Variants in SSBP3 observed in about 807,000 individuals in gnomAD.
SSBP3 encodes single-stranded DNA-binding protein 3.
SSBP3 carries 5 observed loss-of-function variants against 69.6 expected under a neutral mutation model. The ratio of observed to expected loss-of-function variants is 0.07; its 90% CI spans 0.04 to 0.15. SSBP3 has a LOEUF of 0.15. Among genes scored for constraint, SSBP3 ranks in the 10% least tolerant of loss-of-function variants. The probability of loss-of-function intolerance (pLI) is 1.00; values close to 1 mark genes in which losing one functional copy is unlikely to be tolerated. For synonymous variants in SSBP3, 196 were observed against 193.4 expected (o/e 1.01, Z -0.11); for missense variants, 312 against 534.0 (o/e 0.58, Z 4.10).
intron 5 of SSBP3, among the ~76,000 whole-genome samples, chr1:54,262,964 C>CACT: frequency 6.6e-6 from 1 of 152,178 alleles, no homozygotes; most frequent in Non-Finnish European, 1.5e-5. Flanking sequence ...CTCAGCTGGC[C>CACT]CCAAGATCTC....
In SSBP3 at chr1:54,403,164, G is replaced by A. The variant is rs138692608; in HGVS notation, c.192-1219C>T. ...CAGCCACTCAAAGCCACCACCGCCC[G>A]GGCCTAACACAACAGACTCTACGTT... is the stretch of plus-strand genomic sequence containing the variant. On this transcript the variant is annotated intron_variant, in intron 3 of 17. Transcript: ENST00000610401. Among the ~76,000 whole-genome samples the A allele has an allele frequency of 5.4e-3, 823 of 152,278 alleles. 3 individuals carry two copies. Among genetic ancestry groups the A allele is most frequent in the Non-Finnish European group, 7.0e-3 (477 of 68,020 alleles).
At chr1:54,395,463 A>C (rs891981766) in intron 4 of SSBP3, among the ~76,000 whole-genome samples, 2 of 152,212 alleles carry the variant, frequency 1.3e-5, no homozygotes, top group Non-Finnish European at 2.9e-5. Context: ...TGCCCAATAC[A>C]GATAAGGTGC....
intron 4 of SSBP3, among the ~76,000 whole-genome samples, chr1:54,285,837 G>A (rs1186630337): frequency 6.6e-6 from 1 of 152,236 alleles, no homozygotes; most frequent in Non-Finnish European, 1.5e-5. Context: ...GAAGAAGAGA[G>A]AAAAGAACAC....
chr1:54,340,780 C>T lies in SSBP3; in HGVS notation c.277-59253G>A, dbSNP rs184205197. On this transcript the variant is annotated intron_variant, in intron 4 of 17. Coordinates refer to ENST00000610401, the Ensembl canonical transcript of SSBP3. ...AGAAAAAATGGACTCCATGAACACC[C>T]AGGACACTCCCATACCAGCCCAGAG... Among the ~76,000 whole-genome samples the T allele has an allele frequency of 1.2e-4, 19 of 152,298 alleles. No individual in the cohort carries two copies. The East Asian group carries it at 2.9e-3, about 23-fold the overall frequency.
At chr1:54,385,191 G>C (rs1647986847) in intron 4 of SSBP3, among the ~76,000 whole-genome samples, 1 of 152,182 alleles carries the variant, frequency 6.6e-6, no homozygotes, top group African/African-American at 2.4e-5. Context: ...CACTTAGGAA[G>C]AGAAAGATCG....
chr1:54,248,422 G>A (rs1388180863), intron 9 of SSBP3, among the ~76,000 whole-genome samples: 2 of 152,222 alleles, frequency 1.3e-5, no homozygotes, highest in African/African-American at 4.8e-5. Flanking sequence ...AGCCCCATGA[G>A]GCCATCACTT....
chr1:54,334,675 T>C (rs189080506), intron 4 of SSBP3, among the ~76,000 whole-genome samples: 1 of 152,342 alleles, frequency 6.6e-6, no homozygotes, highest in African/African-American at 2.4e-5. Flanking sequence ...GAATAATGCA[T>C]GTAAAGTACC....
intron 4 of SSBP3, among the ~76,000 whole-genome samples, chr1:54,300,597 C>T (rs1001635862): frequency 5.9e-5 from 9 of 152,204 alleles, no homozygotes; most frequent in South Asian, 2.1e-4. Flanking sequence ...TTATTTCTGC[C>T]GGAGGGTGGG....
chr1:54,260,314 G>A (rs530711592), intron 5 of SSBP3, among the ~76,000 whole-genome samples: 11 of 152,330 alleles, frequency 7.2e-5, no homozygotes, highest in East Asian at 1.9e-4. Flanking sequence ...CTCCTCCCTC[G>A]CGTCCTTCCC....
At chr1:54,281,179 G>C (rs778863460) in intron 5 of SSBP3, among the ~76,000 whole-genome samples, 13 of 152,180 alleles carry the variant, frequency 8.5e-5, no homozygotes, top group Non-Finnish European at 1.6e-4. Context: ...TCGCGCCTAC[G>C]AAGCTGGCAT....
intron 4 of SSBP3, among the ~76,000 whole-genome samples, chr1:54,360,016 C>T (rs898502489): frequency 6.6e-6 from 1 of 152,196 alleles, no homozygotes. Flanking sequence ...TTGCAAAATT[C>T]TTAGGACCTA....
intron 4 of SSBP3, among the ~76,000 whole-genome samples, chr1:54,359,233 TGTCATAGGAAGAA>T (rs1646915923): frequency 7.4e-6 from 1 of 134,336 alleles, no homozygotes; most frequent in Non-Finnish European, 1.6e-5. Context: ...AAAAAAAAGC[TGTCATAGGAAGAA>T]GTCTTCCCAG....
chr1:54,305,633 AAGAG>A lies in SSBP3; in HGVS notation c.277-24110_277-24107del, dbSNP rs1253620384. On this transcript the variant is annotated intron_variant, in intron 4 of 17. Coordinates refer to ENST00000610401, the Ensembl canonical transcript of SSBP3. ...TTATTTTTCTTTAAAAAAAAAAAAA[AAGAG>A]AGAGAGAGAGAGACGAGGTCTCATT... 1.3e-4 allele frequency among the ~76,000 whole-genome samples: 19 copies of A among 148,906 alleles called. 1 individual carries two copies. Among genetic ancestry groups the A allele is most frequent in the South Asian group, 2.1e-4 (1 of 4,700 alleles).
chr1:54,251,427 G>T (rs1334870414), intron 9 of SSBP3, among the ~76,000 whole-genome samples, 189 bp downstream of exon 9: 1 of 152,178 alleles, frequency 6.6e-6, no homozygotes, highest in Non-Finnish European at 1.5e-5. Context: ...ATCTGCAAGG[G>T]GCTGCCCTGG....
exon 18 of SSBP3, chr1:54,226,595 T>C (rs1359909914): frequency 6.3e-6 from 1 of 158,994 alleles, no homozygotes; most frequent in Non-Finnish European, 1.4e-5. Context: ...TAGACTAGCT[T>C]TTCTGGTGGA....
rs560289127 is a variant in SSBP3, at chr1:54,244,420, A to AT, written c.652-1122dup. Among the ~76,000 whole-genome samples the AT allele has an allele frequency of 1.6e-4, 24 of 149,056 alleles. No individual in the cohort carries two copies. In the South Asian group the frequency reaches 4.5e-3, roughly 28 times the overall value. ...CCCAGCCTGCCCAGCTAATTTTTAA[A>AT]TTTTTTTGTAGAGATGGGGTCTCCC... On this transcript the variant is annotated intron_variant, in intron 9 of 17. Transcript: ENST00000610401.
intron 4 of SSBP3, among the ~76,000 whole-genome samples, chr1:54,372,172 C>T (rs1181997968): frequency 2.0e-5 from 3 of 152,220 alleles, no homozygotes; most frequent in Non-Finnish European, 4.4e-5. Flanking sequence ...TGACAAATTA[C>T]TTCCCTTCTC....
chr1:54,227,245 C>CT, intron 17 of SSBP3, 85 bp from the exon 18 acceptor site: 2 of 813,198 alleles, frequency 2.5e-6, no homozygotes, highest in Non-Finnish European at 4.3e-6. Flanking sequence ...CCTGGGGTGA[C>CT]TGCACAGAAC....
intron 5 of SSBP3, among the ~76,000 whole-genome samples, chr1:54,273,128 T>TGG (rs1157754821): frequency 6.6e-6 from 1 of 152,274 alleles, no homozygotes; most frequent in Non-Finnish European, 1.5e-5. Flanking sequence ...AAGCAGCTGT[T>TGG]GGGTGCTTTG....
Sources: gnomAD v4.1 joint callset for allele counts (sites outside exome capture counted in the v4.1 genomes callset) on GRCh38, gnomAD v4.1.1 for gene constraint, MANE v1.5 for transcripts, NCBI Gene and HGNC (gene_info 2026-07-23, HGNC 2026-07-21) for gene names.